The following NAP1L3 variants were observed in gnomAD, a reference collection of about 807,000 sequenced individuals.
The protein encoded by NAP1L3 is nucleosome assembly protein 1 like 3, also known as nucleosome assembly protein 1-like 3.
For missense variants in NAP1L3, 378 were observed against 369.9 expected (o/e 1.02, Z -0.18); for synonymous variants, 127 against 131.9 (o/e 0.96, Z 0.25).
At position 93,672,930 on chromosome X, in the gene NAP1L3, G is replaced by T. The variant is rs1391356026; in HGVS notation, c.375C>A (p.Phe125Leu). Reference protein sequence around the residue: ...QDECDKVDTLFLKAIHDLERK... With the variant: ...QDECDKVDTLLLKAIHDLERK... ...TTTCAAGATCATGAATTGCTTTTAA[G>T]AACAGGGTATCTACCTTGTCACATT... The change falls in exon 1 of 1, where the codon TTC becomes TTA. Residue 125 changes from phenylalanine (F) to leucine (L), a missense_variant. Transcript: ENST00000373079. The T allele has an allele frequency of 2.5e-6, 3 of 1,210,140 alleles. No individual in the cohort carries two copies. The Admixed American group carries it at 6.5e-5, about 26-fold the overall frequency.
chrX:93,672,695 C>A lies in NAP1L3; in HGVS notation c.610G>T (p.Ala204Ser), dbSNP rs746238904. The A allele has an allele frequency of 8.3e-7, 1 of 1,209,073 alleles. No individual in the cohort carries two copies. Among genetic ancestry groups the A allele is most frequent in the African/African-American group, 1.8e-5 (1 of 56,871 alleles). The change falls in exon 1 of 1, where the codon GCT (alanine) becomes TCT (serine). Residue 204 changes from alanine to serine, a missense_variant. Transcript: ENST00000373079. ...ENPKENPEVK[A>S]EEKEVPKEIP... ...TCTTTAGGAACTTCCTTCTCTTCAG[C>A]TTTCACCTCTGGGTTTTCTTTAGGG...
rs748285907 is a variant in NAP1L3 at position 93,673,153 on chromosome X, G to GTGC, written c.149_151dup (p.Ser50dup). Reference sequence around the variant, plus strand: ...GCCGCTGCCGCTGCTGCTGCCACTAGTGCTGCTGCTGCTGCTGCTGTCACT... The same window carrying GTGC: ...GCCGCTGCCGCTGCTGCTGCCACTAGTGCTGCTGCTGCTGCTGCTGCTGTCACT... On this transcript the variant is annotated inframe_insertion, in exon 1 of 1. Coordinates refer to ENST00000373079, the MANE Select transcript of NAP1L3 (RefSeq NM_004538.6). 8.9e-5 allele frequency: 107 copies of GTGC among 1,204,721 alleles called. No homozygotes were observed. Among genetic ancestry groups the GTGC allele is most frequent in the Admixed American group, 8.2e-4 (37 of 45,274 alleles).
chrX:93,671,735 G>A lies in NAP1L3; in HGVS notation c.*49C>T. On this transcript the variant is annotated 3_prime_UTR_variant, in exon 1 of 1. Transcript: ENST00000373079. ...ACTTTTTTCAAGGCTGTATGAATCT[G>A]CTTCACTTCTTGAGATTTTAAGATT... The A allele has an allele frequency of 8.7e-7, 1 of 1,143,962 alleles. No individual in the cohort carries two copies. The highest frequency in any genetic ancestry group is 1.2e-6 in the Non-Finnish European group (1 of 863,255). 94.3% of individuals were successfully genotyped at this position (1,143,962 alleles called of 1,213,427 possible). A position where few individuals can be genotyped will look rare whatever the true frequency, so the allele number is the denominator to read the frequency against.
rs748157767 is a variant in NAP1L3, at chrX:93,673,469, G to C, written c.-165C>G. The C allele has an allele frequency of 2.3e-6, 2 of 872,439 alleles. No individual in the cohort carries two copies. The highest frequency in any genetic ancestry group is 6.5e-5 in the South Asian group (2 of 30,687). The allele number at this position is 872,439 out of a possible 1,213,427, so 71.9% of individuals were successfully genotyped here. A position where few individuals can be genotyped will look rare whatever the true frequency, so the allele number is the denominator to read the frequency against. On this transcript the variant is annotated 5_prime_UTR_variant, in exon 1 of 1. Coordinates refer to ENST00000373079, the MANE Select transcript of NAP1L3 (RefSeq NM_004538.6). ...AGCTGGAGCTGGGGATGCAGAGGCC[G>C]GCGCTGAGGTGGCAGCGGCAGTGGA...
Position 93,672,952 on chromosome X carries a change from C to G in NAP1L3, c.353G>C (p.Cys118Ser). Reference sequence around the variant, plus strand: ...TAAGAACAGGGTATCTACCTTGTCACATTCATCTTGAATGTTTCTAAGCGC... The same window carrying G: ...TAAGAACAGGGTATCTACCTTGTCAGATTCATCTTGAATGTTTCTAAGCGC... Reference protein sequence around the residue: ...VQALRNIQDECDKVDTLFLKA... With the variant: ...VQALRNIQDESDKVDTLFLKA... Residue 118 changes from cysteine to serine, a missense_variant, in exon 1 of 1, where the codon TGT (cysteine) becomes TCT (serine). Cys to Ser is a moderately radical substitution (Grantham distance 112, BLOSUM62 -1). Transcript: ENST00000373079. The G allele has an allele frequency of 1.7e-6, 2 of 1,211,997 alleles. No individual in the cohort carries two copies. The highest frequency in any genetic ancestry group is 2.2e-6 in the Non-Finnish European group (2 of 895,562).
chrX:93,673,147 C>CCACTAGTGCTGCTGCTGCTGCTGCTGT lies in NAP1L3; in HGVS notation c.131_157dup (p.Asp44_Ser52dup), dbSNP rs1043456626. On this transcript the variant is annotated inframe_insertion, in exon 1 of 1. Transcript: ENST00000373079. ...GCTGCTGCCGCTGCCGCTGCTGCTG[C>CCACTAGTGCTGCTGCTGCTGCTGCTGT]CACTAGTGCTGCTGCTGCTGCTGCT... 4 of 1,208,154 alleles carry CCACTAGTGCTGCTGCTGCTGCTGCTGT rather than the reference C, an allele frequency of 3.3e-6. No individual in the cohort carries two copies. The highest frequency in any genetic ancestry group is 1.8e-5 in the South Asian group (1 of 56,675).
At position 93,671,879 on chromosome X, in the gene NAP1L3, C is replaced by T. The variant is rs1924367108; in HGVS notation, c.1426G>A (p.Val476Ile). The T allele has an allele frequency of 8.3e-7, 1 of 1,210,955 alleles. No individual in the cohort carries two copies. Among genetic ancestry groups the T allele is most frequent in the Non-Finnish European group, 1.1e-6 (1 of 895,097 alleles). ...FEIGQILHDNVILKSIYYYTG... is the reference protein window; with the variant it reads ...FEIGQILHDNIILKSIYYYTG... ...TAGTAATAGATTGATTTCAGGATGA[C>T]ATTATCATGTAAAATCTGCCCAATT... Residue 476 changes from valine to isoleucine, a missense_variant, in exon 1 of 1, where the codon GTC (valine) becomes ATC (isoleucine). By Grantham distance (29) the Val-to-Ile change is conservative (BLOSUM62 3). Transcript: ENST00000373079.
rs1602772831 is a variant in NAP1L3, at chrX:93,672,769, T to C, written c.536A>G (p.Asp179Gly). The change falls in exon 1 of 1, where the codon GAT (aspartate) becomes GGT (glycine). Residue 179 changes from aspartate (D) to glycine (G), a missense_variant. Transcript: ENST00000373079. ...EEFSSDEEVQ[D>G]NTPSEMPPLE... ...GGGAGGCATTTCACTAGGGGTGTTA[T>C]CCTGCACCTCCTCATCACTGCTGAA... The C allele has an allele frequency of 4.1e-6, 5 of 1,211,307 alleles. No individual in the cohort carries two copies. In the East Asian group the frequency reaches 1.5e-4, roughly 36 times the overall value.
At position 93,673,540 on chromosome X, in the gene NAP1L3, T is replaced by TAC. The variant is rs1924463979; in HGVS notation, c.-237_-236insGT. 6 of 439,867 alleles carry TAC rather than the reference T, an allele frequency of 1.4e-5. No individual in the cohort carries two copies. In the South Asian group the frequency reaches 2.7e-4, roughly 20 times the overall value. 36.2% of individuals were successfully genotyped at this position (439,867 alleles called of 1,213,427 possible). On this transcript the variant is annotated 5_prime_UTR_variant, in exon 1 of 1. Transcript: ENST00000373079. ...CGGCAAGGCCTCTCCCGGCTGCAGC[T>TAC]AGAGTGCCGAGATGTACCGCAGCCG...
In NAP1L3 at chrX:93,672,904, C is replaced by A; in HGVS notation, c.401G>T (p.Arg134Ile). 1 of 1,210,928 alleles carries A rather than the reference C, an allele frequency of 8.3e-7. No homozygotes were observed. The highest frequency in any genetic ancestry group is 1.1e-6 in the Non-Finnish European group (1 of 895,255). The change falls in exon 1 of 1, where the codon AGA (arginine) becomes ATA (isoleucine). Residue 134 changes from arginine (R) to isoleucine (I), a missense_variant. Physicochemically the swap from Arg to Ile is moderately conservative, Grantham distance 97 (BLOSUM62 -3). Transcript: ENST00000373079. ...LFLKAIHDLE[R>I]KYAELNKPLY... ...AGGCTTGTTGAGTTCAGCATATTTT[C>A]TTTCAAGATCATGAATTGCTTTTAA...
rs1259516735 is a variant in NAP1L3, at chrX:93,671,777, G to T, written c.*7C>A. Reference sequence around the variant, plus strand: ...TTTAAGATTCTTGAAAAATCTTTCAGATTGACTTATTTTCTGTATTTCTTG... The same window carrying T: ...TTTAAGATTCTTGAAAAATCTTTCATATTGACTTATTTTCTGTATTTCTTG... On this transcript the variant is annotated 3_prime_UTR_variant, in exon 1 of 1. Coordinates refer to ENST00000373079, the MANE Select transcript of NAP1L3 (RefSeq NM_004538.6). The T allele has an allele frequency of 4.2e-6, 5 of 1,179,076 alleles. No individual in the cohort carries two copies. Among genetic ancestry groups the T allele is most frequent in the Non-Finnish European group, 5.7e-6 (5 of 880,612 alleles).
In NAP1L3 at chrX:93,673,018, A is replaced by C; in HGVS notation, c.287T>G (p.Phe96Cys). 5 of 1,211,396 alleles carry C rather than the reference A, an allele frequency of 4.1e-6. No individual in the cohort carries two copies. Among genetic ancestry groups the C allele is most frequent in the Non-Finnish European group, 5.6e-6 (5 of 895,443 alleles). The change falls in exon 1 of 1, where the codon TTC (phenylalanine) becomes TGC (cysteine). Residue 96 changes from phenylalanine (F) to cysteine (C), a missense_variant. By Grantham distance (205) the Phe-to-Cys change is radical (BLOSUM62 -2). Transcript: ENST00000373079. ...AACTGCCTGAGGCAGCCTATCCACG[A>C]AATTTGTTCCCAACGGGGCCCGCCG... is the stretch of plus-strand genomic sequence containing the variant. ...RARRAPLGTN[F>C]VDRLPQAVRN... is the part of the protein sequence containing the mutation.
chrX:93,672,066 A>C lies in NAP1L3; in HGVS notation c.1239T>G (p.Thr413=). Residue 413 remains threonine (T), a synonymous_variant, in exon 1 of 1, where the codon ACT becomes ACG. Transcript: ENST00000373079. The part of the protein sequence containing the change: ...KIDWRRGKDV[T]VTTTQSRTTA... ...TTGTGCGACTCTGGGTAGTTGTCAC[A>C]GTAACATCTTTTCCTCTTCTCCAGT... 8.3e-7 allele frequency: 1 copy of C among 1,200,903 alleles called. No individual in the cohort carries two copies. Among genetic ancestry groups the C allele is most frequent in the Non-Finnish European group, 1.1e-6 (1 of 889,248 alleles).
rs1381740226 is a variant in NAP1L3, at chrX:93,673,181, T to A, written c.124A>T (p.Thr42Ser). The A allele has an allele frequency of 8.3e-7, 1 of 1,211,601 alleles. No individual in the cohort carries two copies. The highest frequency in any genetic ancestry group is 2.2e-5 in the Admixed American group (1 of 46,050). Residue 42 changes from threonine (T) to serine (S), a missense_variant, in exon 1 of 1, where the codon ACT becomes TCT. By Grantham distance (58) the Thr-to-Ser change is moderately conservative. Transcript: ENST00000373079. Reference protein sequence around the residue: ...ESDSSSSSSSTSDSSSSSSTS... With the variant: ...ESDSSSSSSSSSDSSSSSSTS... ...CTGCTGCTGCTGCTGCTGTCACTAGTGCTGCTGCTAGAGCTACTGCTGTCA... is the reference window on the plus strand; with the variant it reads ...CTGCTGCTGCTGCTGCTGTCACTAGAGCTGCTGCTAGAGCTACTGCTGTCA...
chrX:93,671,678 A>C lies in NAP1L3; in HGVS notation c.*106T>G. On this transcript the variant is annotated 3_prime_UTR_variant, in exon 1 of 1. Transcript: ENST00000373079. The stretch of plus-strand genomic sequence containing the variant: ...AACCACAAAAACTTGACTATAAGGA[A>C]TAATAGTGTTCAGGTTACAGGTCAG... The C allele has an allele frequency of 1.9e-6, 2 of 1,072,726 alleles. No homozygotes were observed. The highest frequency in any genetic ancestry group is 2.4e-6 in the Non-Finnish European group (2 of 824,097). 88.4% of individuals were successfully genotyped at this position (1,072,726 alleles called of 1,213,427 possible).
At position 93,671,230 on chromosome X, in the gene NAP1L3, G is replaced by C. The variant is rs1331146184; in HGVS notation, c.*554C>G. On this transcript the variant is annotated 3_prime_UTR_variant, in exon 1 of 1. Coordinates refer to ENST00000373079, the MANE Select transcript of NAP1L3 (RefSeq NM_004538.6). ...AATCAAATGTGGTCTTTTCACATTA[G>C]ATGTATGCTAATCTTTTTCAAGCAG... 8.9e-6 allele frequency: 1 copy of C among 112,572 alleles called. No individual in the cohort carries two copies. The highest frequency in any genetic ancestry group is 1.9e-5 in the Non-Finnish European group (1 of 53,357). The allele number at this position is 112,572 out of a possible 1,213,427, so 9.3% of individuals were successfully genotyped here.
Position 93,671,000 on chromosome X carries a change from CA to C in NAP1L3, c.*783del, listed in dbSNP as rs1924342385. On this transcript the variant is annotated 3_prime_UTR_variant, in exon 1 of 1. Coordinates refer to ENST00000373079, the MANE Select transcript of NAP1L3 (RefSeq NM_004538.6). ...AATACAAGAACATGAAAAACAGTAT[CA>C]AATGAAGTGATCATTTTCAGTGAAA... The C allele has an allele frequency of 9.0e-6, 1 of 111,539 alleles. No homozygotes were observed. 9.2% of individuals were successfully genotyped at this position (111,539 alleles called of 1,213,427 possible).
At position 93,672,453 on chromosome X, in the gene NAP1L3, A is replaced by T. The variant is rs755279904; in HGVS notation, c.852T>A (p.Val284=). The T allele has an allele frequency of 5.0e-6, 6 of 1,209,478 alleles. No homozygotes were observed. The highest frequency in any genetic ancestry group is 1.1e-6 in the Non-Finnish European group (1 of 895,151). ...CACTGTCCTGAAGCCTTTCCTCAGG[A>T]ACTCTTTTATGAGTCTCTCTTACTG... is the stretch of plus-strand genomic sequence containing the variant. ...RAAVRETHKR[V]PEERLQDSVD... The change falls in exon 1 of 1, where the codon GTT becomes GTA. Residue 284 remains valine, a synonymous_variant. Transcript: ENST00000373079.
Position 93,672,641 on chromosome X carries a change from C to G in NAP1L3, c.664G>C (p.Glu222Gln). ...ACCTCAGGAATTTCTTTAGGAACTTCCTTTTCTTCATCCTTCACCTCAGGA... is the reference window on the plus strand; with the variant it reads ...ACCTCAGGAATTTCTTTAGGAACTTGCTTTTCTTCATCCTTCACCTCAGGA... ...EIPEVKDEEKEVPKEIPEVKA... is the reference protein window; with the variant it reads ...EIPEVKDEEKQVPKEIPEVKA... Residue 222 changes from glutamate (E) to glutamine (Q), a missense_variant, in exon 1 of 1, where the codon GAA becomes CAA. Physicochemically the swap from Glu to Gln is conservative, Grantham distance 29. Transcript: ENST00000373079. 1.7e-6 allele frequency: 2 copies of G among 1,211,189 alleles called. No individual in the cohort carries two copies. The highest frequency in any genetic ancestry group is 2.3e-4 in the Middle Eastern group (1 of 4,355).
Sources: allele counts gnomAD v4.1 joint callset, GRCh38; gene constraint gnomAD v4.1.1; transcripts MANE v1.5; gene names NCBI Gene and HGNC (gene_info 2026-07-23, HGNC 2026-07-21).